MCF2L2: variants seen among roughly 807,000 people sequenced by gnomAD.
MCF2L2 encodes MCF.2 cell line derived transforming sequence-like 2, also known as probable guanine nucleotide exchange factor MCF2L2.
MCF2L2 carries 102 observed loss-of-function variants against 150.2 expected under a neutral mutation model. That is an observed-to-expected ratio of 0.68 (90% CI 0.58 to 0.80). The LOEUF (loss-of-function observed/expected upper bound fraction) is 0.80, where lower values mean the gene tolerates loss of function less well. MCF2L2 is among the 30% of genes least tolerant of loss of function. MCF2L2 has a pLI of 0.00. For synonymous variants in MCF2L2, 465 were observed against 491.3 expected, an observed-to-expected ratio of 0.95 and a Z score of 0.71; for missense variants, 1,256 against 1,372.8, an observed-to-expected ratio of 0.91 and a Z score of 1.34.
At chr3:183,190,066 G>C (rs957488660) in intron 27 of MCF2L2, among the ~76,000 whole-genome samples, 1 of 152,176 alleles carries the variant, frequency 6.6e-6, no homozygotes, top group Non-Finnish European at 1.5e-5. Context: ...GTTTTAAATC[G>C]ATAATTAGTC....
chr3:183,355,613 ATTTTTTTTTTTT>A (rs71185653), intron 3 of MCF2L2, among the ~76,000 whole-genome samples: 12 of 84,436 alleles, frequency 1.4e-4, no homozygotes, highest in South Asian at 1.4e-3. Context: ...CGCCCAGCTA[ATTTTTTTTTTTT>A]TTTTTTTTTT....
chr3:183,220,558 T>C (rs961480446), intron 20 of MCF2L2, among the ~76,000 whole-genome samples: 1 of 152,228 alleles, frequency 6.6e-6, no homozygotes, highest in Non-Finnish European at 1.5e-5. Flanking sequence ...TAAAGCTAAA[T>C]TCCTAGAGTG....
chr3:183,269,846 T>C (rs1393428784), intron 15 of MCF2L2: 4 of 1,613,030 alleles, frequency 2.5e-6, no homozygotes, highest in Non-Finnish European at 3.4e-6. Context: ...GGCAGTTAAT[T>C]ATTCAGTTAT....
At position 183,182,845 on chromosome 3, in the gene MCF2L2, G is replaced by A. The variant is rs139063660; in HGVS notation, c.3017-2686C>T. Among the ~76,000 whole-genome samples the A allele has an allele frequency of 1.5e-3, 228 of 152,296 alleles. 2 individuals are homozygous for A. In the Middle Eastern group the frequency reaches 0.02, roughly 14 times the overall value. The stretch of plus-strand genomic sequence containing the variant: ...GAAAGTGCGGCTCACAGGGTGCCCC[G>A]CCAGGGATGGTAATTGACCACCAGG... On this transcript the variant is annotated intron_variant, in intron 27 of 29. Transcript: ENST00000328913.
At chr3:183,350,479 A>G (rs1008619076) in intron 3 of MCF2L2, among the ~76,000 whole-genome samples, 6 of 152,038 alleles carry the variant, frequency 3.9e-5, no homozygotes, top group Non-Finnish European at 8.8e-5. Flanking sequence ...CTGCACAAAT[A>G]CTCTTTGATA....
intron 13 of MCF2L2, among the ~76,000 whole-genome samples, chr3:183,290,856 G>T (rs1728099171): frequency 6.6e-6 from 1 of 152,174 alleles, no homozygotes; most frequent in Non-Finnish European, 1.5e-5. Context: ...TAGGTCCCAA[G>T]ACCAAAATGC....
chr3:183,419,615 G>A (rs1274063654), intron 1 of MCF2L2, among the ~76,000 whole-genome samples: 1 of 152,232 alleles, frequency 6.6e-6, no homozygotes, highest in East Asian at 1.9e-4. Context: ...GCTCATGCCT[G>A]TAATCCCAGC....
intron 15 of MCF2L2, chr3:183,253,294 G>A (rs1724683554): frequency 6.8e-6 from 1 of 147,012 alleles, no homozygotes; most frequent in African/African-American, 2.5e-5. Flanking sequence ...GCCCAGTCCA[G>A]CGCTGCCCGT....
intron 3 of MCF2L2, among the ~76,000 whole-genome samples, chr3:183,369,070 G>A (rs941992734): frequency 6.6e-6 from 1 of 152,260 alleles, no homozygotes; most frequent in Middle Eastern, 3.4e-3. Flanking sequence ...ATAGTAAAAA[G>A]TCACTTAATA....
intron 2 of MCF2L2, among the ~76,000 whole-genome samples, chr3:183,385,670 T>C (rs1331808659): frequency 6.6e-6 from 1 of 152,216 alleles, no homozygotes; most frequent in Non-Finnish European, 1.5e-5. Context: ...GGACAATTCC[T>C]TATAATTAAA....
intron 15 of MCF2L2, among the ~76,000 whole-genome samples, chr3:183,262,415 C>T (rs952134397): frequency 2.6e-5 from 4 of 151,860 alleles, no homozygotes; most frequent in Admixed American, 1.3e-4. Flanking sequence ...CTTGGTTTAC[C>T]GTTTTGACAT....
At chr3:183,338,754 G>T in intron 5 of MCF2L2, 46 bp downstream of exon 5, 1 of 1,553,956 alleles carries the variant, frequency 6.4e-7, no homozygotes, top group Non-Finnish European at 8.8e-7. Flanking sequence ...TGCCATCTTA[G>T]CCAGAAGCCC....
chr3:183,383,873 G>T (rs1164242860), intron 2 of MCF2L2, among the ~76,000 whole-genome samples: 5 of 152,140 alleles, frequency 3.3e-5, no homozygotes, highest in Non-Finnish European at 7.3e-5. Context: ...TTCCCTTGCT[G>T]TTAAGTTTGT....
chr3:183,420,429 G>A (rs541485784), intron 1 of MCF2L2, among the ~76,000 whole-genome samples: 100 of 152,224 alleles, frequency 6.6e-4, no homozygotes, highest in Non-Finnish European at 9.8e-4. Flanking sequence ...GTGAAACTCT[G>A]TCTCTATAAA....
chr3:183,273,678 C>A (rs1726981024), intron 15 of MCF2L2, among the ~76,000 whole-genome samples: 2 of 152,102 alleles, frequency 1.3e-5, no homozygotes, highest in Admixed American at 6.5e-5. Flanking sequence ...TACAGGTGTA[C>A]CATTTTTTAT....
intron 15 of MCF2L2, among the ~76,000 whole-genome samples, chr3:183,255,131 C>T (rs749160479): frequency 7.2e-5 from 11 of 152,048 alleles, no homozygotes; most frequent in Non-Finnish European, 1.5e-4. Context: ...TGCGTCTGTG[C>T]CTTTATTTTG....
chr3:183,304,591 G>A (rs557632475), intron 10 of MCF2L2, among the ~76,000 whole-genome samples: 6 of 149,830 alleles, frequency 4.0e-5, no homozygotes, highest in South Asian at 2.1e-4. Flanking sequence ...TCAGCCTCCC[G>A]AGTAGCTGGG....
chr3:183,258,588 G>A (rs929929555), intron 15 of MCF2L2, among the ~76,000 whole-genome samples: 9 of 152,066 alleles, frequency 5.9e-5, no homozygotes, highest in African/African-American at 1.9e-4. Flanking sequence ...CCTGGTTTGG[G>A]GTCCATAGTT....
chr3:183,334,793 CAA>C lies in MCF2L2; in HGVS notation c.486+4005_486+4006del, dbSNP rs576703262. ...GGGCGACAAGAGCAAAACTCCATTT[CAA>C]AAAAAAAAAAAAAAAAGACAAAGAA... On this transcript the variant is annotated intron_variant, in intron 5 of 29. Transcript: ENST00000328913. Among the ~76,000 whole-genome samples the C allele has an allele frequency of 6.7e-3, 595 of 88,508 alleles. 1 individual carries two copies. The highest frequency in any genetic ancestry group is 0.012 in the Non-Finnish European group (439 of 38,138). 58.1% of individuals were successfully genotyped at this position (88,508 alleles called of 152,430 possible). A position where few individuals can be genotyped will look rare whatever the true frequency, so the allele number is the denominator to read the frequency against.
Sources: gnomAD v4.1 joint callset for allele counts (sites outside exome capture counted in the v4.1 genomes callset) on GRCh38, gnomAD v4.1.1 for gene constraint, MANE v1.5 for transcripts, NCBI Gene and HGNC (gene_info 2026-07-23, HGNC 2026-07-21) for gene names.